EBF4: variants seen among roughly 807,000 people sequenced by gnomAD.
EBF4 encodes transcription factor COE4.
A neutral mutation model predicts 67.1 loss-of-function variants in EBF4; 34 were observed. The ratio of observed to expected loss-of-function variants is 0.51; its 90% CI spans 0.39 to 0.67. The LOEUF (loss-of-function observed/expected upper bound fraction) is 0.67. Ranked by LOEUF, EBF4 falls within the 30% of genes least tolerant of loss-of-function variation. EBF4 has a pLI of 0.00. For synonymous variants in EBF4, 387 were observed against 377.7 expected (o/e 1.02, Z -0.29); for missense variants, 837 against 873.3 (o/e 0.96, Z 0.52).
chr20:2,736,535 A>G (rs188409283), intron 6 of EBF4, among the ~76,000 whole-genome samples: 1 of 152,118 alleles, frequency 6.6e-6, no homozygotes, highest in African/African-American at 2.4e-5. Flanking sequence ...ATCTCCTTCC[A>G]CGCTTTCCAG....
Position 2,739,584 on chromosome 20 carries a change from TAATA to T in EBF4, c.558-8961_558-8958del, listed in dbSNP as rs2087939618. Among the ~76,000 whole-genome samples the T allele has an allele frequency of 6.6e-6, 1 of 152,196 alleles. No individual in the cohort carries two copies. Among genetic ancestry groups the T allele is most frequent in the African/African-American group, 2.4e-5 (1 of 41,452 alleles). On this transcript the variant is annotated intron_variant, in intron 6 of 16. Transcript: ENST00000609451. The surrounding 1 kb of genome is among the most constrained non-coding windows in gnomAD (Gnocchi z 4.5). ...CAGTGCCTAACACATAGAAGGTATT[TAATA>T]AATCTTTTTAAGTGGGTGTATGGAA...
In EBF4 at chr20:2,739,210, C is replaced by T. The variant is rs2087933665; in HGVS notation, c.558-9339C>T. Among the ~76,000 whole-genome samples the T allele has an allele frequency of 6.6e-6, 1 of 152,174 alleles. No individual in the cohort carries two copies. Among genetic ancestry groups the T allele is most frequent in the Non-Finnish European group, 1.5e-5 (1 of 68,028 alleles). On this transcript the variant is annotated intron_variant, in intron 6 of 16. Coordinates refer to ENST00000609451, the Ensembl canonical transcript of EBF4. The surrounding 1 kb of genome is among the most constrained non-coding windows in gnomAD (Gnocchi z 4.5). ...GACATCCCCTGTAGCCTTCCCATCA[C>T]CCAGAGGATCCAAGTCCCGCATGAT...
At chr20:2,704,613 G>A (rs6076421) in intron 1 of EBF4, among the ~76,000 whole-genome samples, 39,859 of 152,062 alleles carry the variant, frequency 0.26, 5,335 homozygotes, top group East Asian at 0.36. Flanking sequence ...GGACTTAGGG[G>A]AAAGCCACCA....
At chr20:2,716,609 T>C (rs913828447) in intron 6 of EBF4, among the ~76,000 whole-genome samples, 2 of 152,234 alleles carry the variant, frequency 1.3e-5, no homozygotes, top group East Asian at 3.8e-4. Flanking sequence ...GGTTTCACAG[T>C]TTTCCCTTTC....
intron 6 of EBF4, among the ~76,000 whole-genome samples, chr20:2,729,238 C>T (rs979607969): frequency 6.6e-6 from 1 of 151,964 alleles, no homozygotes; most frequent in African/African-American, 2.4e-5. Flanking sequence ...TCCTATTGAG[C>T]GCATTTTCGC....
intron 1 of EBF4, among the ~76,000 whole-genome samples, chr20:2,702,519 A>G (rs996321665): frequency 1.3e-5 from 2 of 152,056 alleles, no homozygotes; most frequent in Admixed American, 1.3e-4. Context: ...TCAGCATTTC[A>G]TGTGGATAAC....
chr20:2,695,721 G>A (rs73076342), intron 1 of EBF4, among the ~76,000 whole-genome samples: 17,176 of 152,166 alleles, frequency 0.11, 1,036 homozygotes, highest in Middle Eastern at 0.2. Flanking sequence ...TCCTCTGCAC[G>A]GGTCTTCTCA....
intron 6 of EBF4, among the ~76,000 whole-genome samples, chr20:2,714,163 A>G (rs2087578177): frequency 6.6e-6 from 1 of 151,964 alleles, no homozygotes. Flanking sequence ...TATCCCAGTG[A>G]TTTCCGTTTC....
chr20:2,757,595 T>G (rs2088265099), intron 15 of EBF4, among the ~76,000 whole-genome samples: 1 of 152,100 alleles, frequency 6.6e-6, no homozygotes, highest in East Asian at 1.9e-4. Context: ...GAGTAGACCT[T>G]AGGCTGAAGG....
At chr20:2,715,137 C>T (rs2087591509) in intron 6 of EBF4, among the ~76,000 whole-genome samples, 1 of 152,142 alleles carries the variant, frequency 6.6e-6, no homozygotes, top group South Asian at 2.1e-4. Context: ...CTAACCCTCT[C>T]CTACAGGTAA....
chr20:2,753,194 G>A (rs2088185174), intron 14 of EBF4, among the ~76,000 whole-genome samples: 1 of 152,184 alleles, frequency 6.6e-6, no homozygotes, highest in Admixed American at 6.5e-5. Context: ...CCTGCTTAAG[G>A]TTGATCTCGG....
chr20:2,700,886 G>A lies in EBF4; in HGVS notation c.138-4691G>A, dbSNP rs543453918. Among the ~76,000 whole-genome samples the A allele has an allele frequency of 1.3e-4, 20 of 152,256 alleles. No individual in the cohort carries two copies. The East Asian group carries it at 3.5e-3, about 26-fold the overall frequency. ...CTGTTGCTCTCGAGTCCTATTCCCC[G>A]CAACATGCTGTTCCTCGTGTCCTTC... On this transcript the variant is annotated intron_variant, in intron 1 of 16. Coordinates refer to ENST00000609451, the Ensembl canonical transcript of EBF4.
At chr20:2,706,516 G>T (rs996619404) in intron 4 of EBF4, among the ~76,000 whole-genome samples, 8 of 152,154 alleles carry the variant, frequency 5.3e-5, no homozygotes, top group African/African-American at 1.7e-4. Flanking sequence ...AGCCTTAGAT[G>T]GGAACTCAGG....
chr20:2,749,842 C>T lies in EBF4; in HGVS notation c.892-5C>T. 1.9e-6 allele frequency: 3 copies of T among 1,548,312 alleles called. No homozygotes were observed. The highest frequency in any genetic ancestry group is 2.6e-6 in the Non-Finnish European group (3 of 1,145,228). On this transcript the variant is annotated splice_region_variant and splice_polypyrimidine_tract_variant and intron_variant, in intron 9 of 16. Transcript: ENST00000609451. ...GACCTGCAGGCCTCCCCTCTCCCCT[C>T]GCAGCTCATCACGCCCCACGCCATC... is the stretch of plus-strand genomic sequence containing the variant.
intron 6 of EBF4, among the ~76,000 whole-genome samples, chr20:2,744,161 A>G (rs1345152700): frequency 1.3e-5 from 2 of 150,910 alleles, no homozygotes; most frequent in African/African-American, 2.4e-5. Flanking sequence ...GCTCACTGCA[A>G]CCTCCGCCTC....
At chr20:2,693,173 C>CGCGG (rs564691290), upstream of EBF4, 89 of 141,642 alleles carry the variant, frequency 6.3e-4, no homozygotes, top group South Asian at 3.7e-3. This position sits in a 1 kb window ranked among gnomAD's most constrained non-coding sequence, Gnocchi z 4.6. Context: ...GCGCTGGCGC[C>CGCGG]GCGGGCGGGC....
rs191208439 is a variant in EBF4 at position 2,741,010 on chromosome 20, T to A, written c.558-7539T>A. ...CTCACTGTAAAGTTCCTGGACGTTG[T>A]CTTCCAAAAGAAGCTCCAGGCCAGG... On this transcript the variant is annotated intron_variant, in intron 6 of 16. Transcript: ENST00000609451. Among the ~76,000 whole-genome samples the A allele has an allele frequency of 4.1e-3, 629 of 152,214 alleles. 3 individuals carry two copies. In the Middle Eastern group the frequency reaches 0.044, roughly 11 times the overall value.
intron 1 of EBF4, among the ~76,000 whole-genome samples, chr20:2,702,586 T>C (rs2087392170): frequency 6.6e-6 from 1 of 152,220 alleles, no homozygotes; most frequent in African/African-American, 2.4e-5. Flanking sequence ...ATTTTACTAT[T>C]TATTATAACT....
At chr20:2,719,744 GACA>G (rs1021220039) in intron 6 of EBF4, among the ~76,000 whole-genome samples, 2 of 152,176 alleles carry the variant, frequency 1.3e-5, no homozygotes, top group Non-Finnish European at 2.9e-5. Context: ...TTGTTTGTCA[GACA>G]ACATGTACTT....
Sources: allele counts gnomAD v4.1 joint callset (sites outside exome capture counted in the v4.1 genomes callset), GRCh38; gene constraint gnomAD v4.1.1; non-coding constraint Gnocchi (gnomAD v3.1); transcripts MANE v1.5; gene names NCBI Gene and HGNC (gene_info 2026-07-23, HGNC 2026-07-21).